Variants in NUP214 observed in about 807,000 individuals in gnomAD.
The protein encoded by NUP214 is nucleoporin 214, also known as nuclear pore complex protein Nup214.
In NUP214, 79 loss-of-function variants were observed where a neutral mutation model predicts 196.2. The observed-to-expected ratio is 0.40, with a 90% CI of 0.34 to 0.49. The LOEUF is 0.49. NUP214 is among the 20% of genes least tolerant of loss of function. The probability of loss-of-function intolerance (pLI) is 0.58; values close to 1 mark genes in which losing one functional copy is unlikely to be tolerated. For missense variants in NUP214, 2,468 were observed against 2,539.0 expected, an observed-to-expected ratio of 0.97 and a Z score of 0.60; for synonymous variants, 1,020 against 990.5, an observed-to-expected ratio of 1.03 and a Z score of -0.56.
chr9:131,148,795 C>T (rs1041187447), intron 14 of NUP214, among the ~76,000 whole-genome samples: 47 of 152,122 alleles, frequency 3.1e-4, no homozygotes, highest in African/African-American at 1.1e-3. Context: ...CACACACACA[C>T]GCACACACAT....
intron 17 of NUP214, among the ~76,000 whole-genome samples, chr9:131,157,549 C>T (rs1202467775): frequency 6.7e-6 from 1 of 149,234 alleles, no homozygotes; most frequent in Non-Finnish European, 1.5e-5. Flanking sequence ...ACTGCAACCT[C>T]AGCCTCCTGG....
At chr9:131,184,174 G>A (rs1395245038) in intron 24 of NUP214, among the ~76,000 whole-genome samples, 1 of 150,734 alleles carries the variant, frequency 6.6e-6, no homozygotes, top group Non-Finnish European at 1.5e-5. Context: ...GGGATTACAG[G>A]TGTGCACCAG....
intron 32 of NUP214, among the ~76,000 whole-genome samples, chr9:131,227,039 C>A (rs1488912327): frequency 6.6e-6 from 1 of 152,220 alleles, no homozygotes; most frequent in Non-Finnish European, 1.5e-5. Context: ...AGAAGTACTC[C>A]CTTTAGAGGG....
At chr9:131,181,522 C>T (rs186768832) in intron 24 of NUP214, among the ~76,000 whole-genome samples, 14 of 152,254 alleles carry the variant, frequency 9.2e-5, no homozygotes, top group African/African-American at 2.9e-4. Flanking sequence ...TATAGTCATC[C>T]TAGTGGTATA....
chr9:131,208,480 G>A (rs182052217), intron 30 of NUP214, among the ~76,000 whole-genome samples: 6,163 of 152,002 alleles, frequency 0.041, 163 homozygotes, highest in African/African-American at 0.078. Context: ...GGCGGATCAC[G>A]AGGTCAGGAG....
intron 30 of NUP214, among the ~76,000 whole-genome samples, chr9:131,213,511 T>G (rs1290450974): frequency 6.6e-6 from 1 of 152,176 alleles, no homozygotes; most frequent in Non-Finnish European, 1.5e-5. Flanking sequence ...CTGAACCATT[T>G]GAGGTTTCTG....
At chr9:131,129,530 A>G in intron 4 of NUP214, 53 bp downstream of exon 4, 4 of 1,533,076 alleles carry the variant, frequency 2.6e-6, no homozygotes, top group Non-Finnish European at 3.6e-6. Context: ...CATCTACTTA[A>G]GAATTGATTT....
chr9:131,131,121 A>G (rs1264068599), intron 5 of NUP214, among the ~76,000 whole-genome samples: 7 of 152,146 alleles, frequency 4.6e-5, no homozygotes, highest in Non-Finnish European at 8.8e-5. Context: ...GTAAAATGTG[A>G]TCATACGCTA....
Position 131,198,464 on chromosome 9 carries a change from TCAACCAGCTCACCAA to T in NUP214, c.4975_4989del (p.Gln1659_Asn1663del), listed in dbSNP as rs761360040. The T allele has an allele frequency of 1.9e-5, 30 of 1,614,128 alleles. No individual in the cohort carries two copies. The East Asian group carries it at 5.8e-4, about 31-fold the overall frequency. ...CCTGCTGCCAGTTCTAGCTCAGCTT[TCAACCAGCTCACCAA>T]CAACACAGCCACTGCCCCCTCTGCC... On this transcript the variant is annotated inframe_deletion, in exon 29 of 36. Transcript: ENST00000359428.
intron 24 of NUP214, among the ~76,000 whole-genome samples, chr9:131,186,338 A>G (rs980821963): frequency 3.3e-5 from 5 of 152,240 alleles, no homozygotes; most frequent in African/African-American, 9.6e-5. Context: ...CTGTTTAGGA[A>G]GGTCCCCTTG....
intron 4 of NUP214, among the ~76,000 whole-genome samples, chr9:131,130,118 G>A (rs969664946): frequency 1.4e-5 from 2 of 139,028 alleles, no homozygotes; most frequent in African/African-American, 5.5e-5. Context: ...ATGGGAGCAG[G>A]AGAATGATTT....
intron 28 of NUP214, 142 bp downstream of exon 28, chr9:131,195,436 T>G (rs117729646): frequency 1.7e-6 from 1 of 590,664 alleles, no homozygotes; most frequent in East Asian, 2.9e-5. Context: ...ATAATGTGCA[T>G]TAGAAATATG....
chr9:131,231,720 C>G (rs1834883968), intron 34 of NUP214, among the ~76,000 whole-genome samples: 1 of 151,684 alleles, frequency 6.6e-6, no homozygotes, highest in African/African-American at 2.4e-5. Context: ...TATGTGTCTT[C>G]CATTTTGTTC....
intron 21 of NUP214, among the ~76,000 whole-genome samples, chr9:131,169,276 C>T (rs1231866887): frequency 1.3e-5 from 2 of 151,960 alleles, no homozygotes; most frequent in Admixed American, 6.6e-5. Context: ...CCTTGTGATC[C>T]GCCTGCCTCA....
chr9:131,214,447 A>G (rs538279052), intron 30 of NUP214, among the ~76,000 whole-genome samples: 45 of 152,312 alleles, frequency 3.0e-4, no homozygotes, highest in African/African-American at 1.0e-3. Flanking sequence ...GCAAGTTTCT[A>G]TGCACAGTGG....
At chr9:131,147,111 T>C (rs11244303) in intron 13 of NUP214, among the ~76,000 whole-genome samples, 49,466 of 151,594 alleles carry the variant, frequency 0.33, 8,151 homozygotes, top group South Asian at 0.45. Context: ...CTTAGCCTCC[T>C]GAGTAGCTGG....
chr9:131,144,240 T>TA (rs1832013463), intron 11 of NUP214, 40 bp from the exon 12 acceptor site: 4 of 1,466,780 alleles, frequency 2.7e-6, no homozygotes. Context: ...CCTCCACTGT[T>TA]ACAGTGTTAA....
intron 6 of NUP214, 136 bp from the exon 7 acceptor site, chr9:131,132,957 TCATTGTACCTGTG>T: frequency 1.5e-6 from 1 of 671,762 alleles, no homozygotes; most frequent in Non-Finnish European, 2.6e-6. Context: ...GCTTCTTGGG[TCATTGTACCTGTG>T]CATTATATTT....
At position 131,130,764 on chromosome 9, in the gene NUP214, A is replaced by G; in HGVS notation, c.593-2A>G. 1 of 1,613,892 alleles carries G rather than the reference A, an allele frequency of 6.2e-7. No homozygotes were observed. The highest frequency in any genetic ancestry group is 8.5e-7 in the Non-Finnish European group (1 of 1,179,818). On this transcript the variant is annotated splice_acceptor_variant, in intron 4 of 35. Coordinates refer to ENST00000359428, the MANE Select transcript of NUP214 (RefSeq NM_005085.4). LOFTEE classifies it high-confidence loss of function. ...TCATTTGGTAATACTGTCTTTGCTC[A>G]GTGTGCTGGAGCCCCAAAGGAAAGC...
Sources: gnomAD v4.1 joint callset for allele counts (sites outside exome capture counted in the v4.1 genomes callset) on GRCh38, gnomAD v4.1.1 for gene constraint, MANE v1.5 for transcripts, NCBI Gene and HGNC (gene_info 2026-07-23, HGNC 2026-07-21) for gene names.